Variants in PRTFDC1 observed in about 807,000 individuals in gnomAD.
PRTFDC1 encodes phosphoribosyltransferase domain-containing protein 1.
PRTFDC1 carries 38 observed loss-of-function variants against 34.6 expected under a neutral mutation model. The observed-to-expected ratio is 1.10, with a 90% confidence interval of 0.85 to 1.44. The LOEUF is 1.44. Among genes scored for constraint, PRTFDC1 ranks in the 40% most tolerant of loss-of-function variants. The pLI, the probability that PRTFDC1 is intolerant of heterozygous loss-of-function variation, is 0.00. For missense variants in PRTFDC1, 270 were observed against 283.0 expected, an observed-to-expected ratio of 0.95 and a Z score of 0.33; for synonymous variants, 93 against 98.1, an observed-to-expected ratio of 0.95 and a Z score of 0.31.
chr10:24,895,687 G>GGATATA (rs1848344369), intron 3 of PRTFDC1, among the ~76,000 whole-genome samples: 1 of 30,834 alleles, frequency 3.2e-5, no homozygotes, highest in East Asian at 7.0e-4. Context: ...GAGCTGGGGT[G>GGATATA]GATATATATA....
chr10:24,949,372 C>A (rs563517225), intron 1 of PRTFDC1, among the ~76,000 whole-genome samples: 1 of 152,216 alleles, frequency 6.6e-6, no homozygotes, highest in South Asian at 2.1e-4. Flanking sequence ...TGTGAGCCAC[C>A]ACTCCCAGCC....
intron 3 of PRTFDC1, among the ~76,000 whole-genome samples, chr10:24,897,549 T>C (rs928467361): frequency 4.6e-5 from 7 of 152,182 alleles, no homozygotes; most frequent in African/African-American, 1.4e-4. Context: ...GAGTCAGCCA[T>C]TGAGGCCTTC....
At chr10:24,892,572 A>C (rs190902641) in intron 3 of PRTFDC1, among the ~76,000 whole-genome samples, 1 of 152,280 alleles carries the variant, frequency 6.6e-6, no homozygotes, top group Admixed American at 6.5e-5. Flanking sequence ...CAGAAAAAAT[A>C]ATCTTTTCCT....
At chr10:24,877,627 T>C (rs868604927) in intron 3 of PRTFDC1, among the ~76,000 whole-genome samples, 7 of 152,204 alleles carry the variant, frequency 4.6e-5, no homozygotes, top group Admixed American at 2.0e-4. Context: ...AGTTTCATTT[T>C]ATTTTATTTT....
At chr10:24,870,582 G>T (rs1290708385) in intron 4 of PRTFDC1, among the ~76,000 whole-genome samples, 1 of 152,158 alleles carries the variant, frequency 6.6e-6, no homozygotes, top group Non-Finnish European at 1.5e-5. Context: ...CTCCAGGGTC[G>T]TTAAAACTTA....
chr10:24,875,396 C>G (rs890715402), intron 3 of PRTFDC1, among the ~76,000 whole-genome samples: 1 of 152,290 alleles, frequency 6.6e-6, no homozygotes, highest in Non-Finnish European at 1.5e-5. Flanking sequence ...ACCAACCTCT[C>G]CCCATTCTCC....
intron 3 of PRTFDC1, among the ~76,000 whole-genome samples, chr10:24,934,435 C>T (rs1849019230): frequency 6.6e-6 from 1 of 152,172 alleles, no homozygotes; most frequent in Admixed American, 6.5e-5. Flanking sequence ...CCAGACATGC[C>T]TCGTGATCCC....
chr10:24,879,589 C>A (rs1848031087), intron 3 of PRTFDC1, among the ~76,000 whole-genome samples: 1 of 151,962 alleles, frequency 6.6e-6, no homozygotes, highest in African/African-American at 2.4e-5. Context: ...CTCAGATGAT[C>A]TGCCCGCCTC....
rs74122891 is a variant in PRTFDC1, at chr10:24,889,285, G to A, written c.340-17222C>T. Among the ~76,000 whole-genome samples the A allele has an allele frequency of 8.0e-3, 1,215 of 152,016 alleles. 19 individuals carry two copies. Among genetic ancestry groups the A allele is most frequent in the African/African-American group, 0.028 (1,146 of 41,458 alleles). ...AACACGCCCGATCTCGTCTGCAAGT[G>A]GGCCCTCACCACACACTGAATCTGC... On this transcript the variant is annotated intron_variant, in intron 3 of 8. Coordinates refer to ENST00000320152, the MANE Select transcript of PRTFDC1 (RefSeq NM_020200.7).
intron 3 of PRTFDC1, among the ~76,000 whole-genome samples, chr10:24,913,897 A>G (rs1848660253): frequency 6.6e-6 from 1 of 152,174 alleles, no homozygotes; most frequent in Non-Finnish European, 1.5e-5. Flanking sequence ...GGGTTTGGAG[A>G]TTTTTAAATT....
chr10:24,866,119 G>C (rs1847770286), intron 4 of PRTFDC1, among the ~76,000 whole-genome samples: 1 of 152,066 alleles, frequency 6.6e-6, no homozygotes, highest in Non-Finnish European at 1.5e-5. Context: ...TCAGCACTTT[G>C]GGAGGCTGAG....
chr10:24,882,808 C>G (rs1200847029), intron 3 of PRTFDC1, among the ~76,000 whole-genome samples: 1 of 150,800 alleles, frequency 6.6e-6, no homozygotes. Flanking sequence ...GCCCCACATC[C>G]TCAAAATGTT....
chr10:24,914,492 C>G (rs1430833867), intron 3 of PRTFDC1, among the ~76,000 whole-genome samples: 1 of 152,098 alleles, frequency 6.6e-6, no homozygotes, highest in Admixed American at 6.6e-5. Context: ...CATTTTGTGC[C>G]TCACAAAGAT....
chr10:24,860,605 A>G (rs892284961), intron 4 of PRTFDC1, among the ~76,000 whole-genome samples: 1 of 152,122 alleles, frequency 6.6e-6, no homozygotes, highest in African/African-American at 2.4e-5. Flanking sequence ...AATCCATTGA[A>G]AATCTTAATT....
chr10:24,921,627 C>G (rs1480972190), intron 3 of PRTFDC1, among the ~76,000 whole-genome samples: 2 of 151,742 alleles, frequency 1.3e-5, no homozygotes, highest in Admixed American at 1.3e-4. Context: ...ACTGTTGTGC[C>G]CTTTTCCTCA....
intron 4 of PRTFDC1, among the ~76,000 whole-genome samples, chr10:24,871,720 G>T (rs1334537710): frequency 6.6e-6 from 1 of 152,014 alleles, no homozygotes; most frequent in African/African-American, 2.4e-5. Context: ...AAGATGAGTA[G>T]AAAAGGATTA....
chr10:24,849,615 G>A lies in PRTFDC1; in HGVS notation c.*229C>T. 1 of 481,258 alleles carries A rather than the reference G, an allele frequency of 2.1e-6. No homozygotes were observed. The highest frequency in any genetic ancestry group is 3.7e-6 in the Non-Finnish European group (1 of 269,940). The allele number at this position is 481,258 out of a possible 1,614,324, so 29.8% of individuals were successfully genotyped here. On this transcript the variant is annotated 3_prime_UTR_variant, in exon 9 of 9. Transcript: ENST00000320152. ...GATAGCATTGCTGAGTCACAAGGCG[G>A]AGTGTTTAATTTGGAACAAGTCAAA...
At chr10:24,891,875 G>A (rs1039801501) in intron 3 of PRTFDC1, among the ~76,000 whole-genome samples, 45 of 152,162 alleles carry the variant, frequency 3.0e-4, no homozygotes, top group Non-Finnish European at 1.5e-5. Context: ...TGGGCCCTAC[G>A]ATTGCCTCAG....
At chr10:24,911,866 C>CAA (rs201023951) in intron 3 of PRTFDC1, among the ~76,000 whole-genome samples, 2 of 140,096 alleles carry the variant, frequency 1.4e-5, no homozygotes, top group African/African-American at 5.0e-5. Flanking sequence ...GACTCCATCT[C>CAA]AAAAAAAACA....
Sources: allele counts gnomAD v4.1 joint callset (sites outside exome capture counted in the v4.1 genomes callset), GRCh38; gene constraint gnomAD v4.1.1; transcripts MANE v1.5; gene names NCBI Gene and HGNC (gene_info 2026-07-23, HGNC 2026-07-21).